RSKR: variants seen among roughly 807,000 people sequenced by gnomAD.
RSKR encodes ribosomal protein S6 kinase related, also known as ribosomal protein S6 kinase-related protein.
A neutral mutation model predicts 56.8 loss-of-function variants in RSKR; 44 were observed. That is an observed-to-expected ratio of 0.77 (90% CI 0.61 to 1.00). The LOEUF is 1.00. Ranked by LOEUF, RSKR falls within the 50% of genes least tolerant of loss-of-function variation. The pLI is 0.00. For missense variants in RSKR, 510 were observed against 506.9 expected (o/e 1.01, Z -0.06); for synonymous variants, 181 against 188.0 (o/e 0.96, Z 0.30).
chr17:28,612,688 C>T lies in RSKR; in HGVS notation c.478-1G>A, dbSNP rs191100683. The T allele has an allele frequency of 1.2e-6, 2 of 1,614,060 alleles. No individual in the cohort carries two copies. Among genetic ancestry groups the T allele is most frequent in the East Asian group, 2.2e-5 (1 of 44,880 alleles). On this transcript the variant is annotated splice_acceptor_variant, in intron 4 of 11. Transcript: ENST00000301037. LOFTEE classifies it high-confidence loss of function. The stretch of plus-strand genomic sequence containing the variant: ...GTACAAAGGGATGGTTGATCTGTCG[C>T]TAGGAACAAAGAAAACAGGAAGTTA...
Position 28,612,480 on chromosome 17 carries a change from C to T in RSKR, c.548-114G>A, listed in dbSNP as rs115124045. ...CTCCTGCCCAAACTGATACCACCTG[C>T]TGTTCCCCTCCCTTTGGGACAGAGA... On this transcript the variant is annotated intron_variant, in intron 5 of 11. Coordinates refer to ENST00000301037, the MANE Select transcript of RSKR (RefSeq NM_001174103.2). 1,084 of 1,365,132 alleles carry T rather than the reference C, an allele frequency of 7.9e-4. 9 individuals carry two copies. In the African/African-American group the frequency reaches 0.013, roughly 16 times the overall value. The allele number at this position is 1,365,132 out of a possible 1,614,324, so 84.6% of individuals were successfully genotyped here.
chr17:28,613,875 T>C (rs902681982), intron 1 of RSKR, 187 bp from the exon 2 acceptor site: 2 of 1,036,602 alleles, frequency 1.9e-6, no homozygotes, highest in African/African-American at 1.6e-5. Context: ...TCAAATCCTC[T>C]AGGAAAATAA....
In RSKR at chr17:28,613,245, G is replaced by A. The variant is rs1373529385; in HGVS notation, c.408+17C>T. On this transcript the variant is annotated intron_variant, in intron 3 of 11. Transcript: ENST00000301037. The stretch of plus-strand genomic sequence containing the variant: ...CAAGATTGGAAACAGAGACTAATGT[G>A]GTATCTACGCCCCTACCTTCACTGC... The A allele has an allele frequency of 1.9e-6, 3 of 1,613,772 alleles. No homozygotes were observed. The highest frequency in any genetic ancestry group is 4.5e-5 in the East Asian group (2 of 44,900).
intron 6 of RSKR, 44 bp downstream of exon 6, chr17:28,612,218 C>T: frequency 1.2e-6 from 2 of 1,606,538 alleles, no homozygotes; most frequent in Non-Finnish European, 1.7e-6. Context: ...TTCTTCCGAA[C>T]TTAAATCTTC....
At position 28,614,157 on chromosome 17, in the gene RSKR, C is replaced by T; in HGVS notation, c.5G>A (p.Gly2Glu). 6.2e-7 allele frequency: 1 copy of T among 1,613,428 alleles called. No individual in the cohort carries two copies. The highest frequency in any genetic ancestry group is 8.5e-7 in the Non-Finnish European group (1 of 1,179,976). ...CTGCCCCTGCCGACAGCTTACTGCT[C>T]CCATTCCCAGCCTCTGCCTCCTCTC... M[G>E]AVSCRQGQHT... Residue 2 changes from glycine (G) to glutamate (E), a missense_variant, in exon 1 of 12, where the codon GGA (glycine) becomes GAA (glutamate). Physicochemically the swap from Gly to Glu is moderately conservative, Grantham distance 98. Transcript: ENST00000301037.
At position 28,614,116 on chromosome 17, in the gene RSKR, C is replaced by G; in HGVS notation, c.46G>C (p.Glu16Gln). The change falls in exon 1 of 12, where the codon GAA becomes CAA. Residue 16 changes from glutamate to glutamine, a missense_variant. Physicochemically the swap from Glu to Gln is conservative, Grantham distance 29. Coordinates refer to ENST00000301037, the MANE Select transcript of RSKR (RefSeq NM_001174103.2). ...CRQGQHTQQG[E>Q]HTRVAVPHKQ... ...TGAGGGACAGCCACCCGGGTGTGTT[C>G]CCCCTGCTGGGTGTGCTGCCCCTGC... The G allele has an allele frequency of 6.2e-7, 1 of 1,613,672 alleles. No homozygotes were observed. The highest frequency in any genetic ancestry group is 8.5e-7 in the Non-Finnish European group (1 of 1,179,948).
rs1318154182 is a variant in RSKR at position 28,610,654 on chromosome 17, A to G, written c.1057T>C (p.Phe353Leu). The G allele has an allele frequency of 6.5e-7, 1 of 1,536,124 alleles. No homozygotes were observed. Among genetic ancestry groups the G allele is most frequent in the Admixed American group, 2.0e-5 (1 of 50,984 alleles). The change falls in exon 12 of 12, where the codon TTC becomes CTC. Residue 353 changes from phenylalanine (F) to leucine (L), a missense_variant. Coordinates refer to ENST00000301037, the MANE Select transcript of RSKR (RefSeq NM_001174103.2). Reference protein sequence around the residue: ...PLHRLRYLHHFQVHPFFRGVA... With the variant: ...PLHRLRYLHHLQVHPFFRGVA... Reference sequence around the variant, plus strand: ...CCCCGAAAGAAAGGGTGGACCTGGAAGTGATGCAGATAACGTAGACGATGG... The same window carrying G: ...CCCCGAAAGAAAGGGTGGACCTGGAGGTGATGCAGATAACGTAGACGATGG...
chr17:28,613,213 C>G (rs929403484), intron 3 of RSKR, 49 bp downstream of exon 3: 11 of 1,613,024 alleles, frequency 6.8e-6, no homozygotes, highest in African/African-American at 1.3e-5. Flanking sequence ...CCCAACCTCT[C>G]TGGAATCAAG....
At chr17:28,611,320 T>C (rs1014634976) in intron 10 of RSKR, 67 bp from the exon 11 acceptor site, 13 of 1,529,376 alleles carry the variant, frequency 8.5e-6, no homozygotes, top group Admixed American at 2.0e-5. Context: ...TACGGCAAGA[T>C]TTCCTAAGGT....
intron 4 of RSKR, 144 bp from the exon 5 acceptor site, chr17:28,612,831 A>T: frequency 1.2e-6 from 1 of 813,466 alleles, no homozygotes; most frequent in Non-Finnish European, 2.0e-6. Flanking sequence ...TTTGGAACTG[A>T]CTATCTGGTA....
chr17:28,611,684 C>A, intron 8 of RSKR, 28 bp from the exon 9 acceptor site: 1 of 1,610,846 alleles, frequency 6.2e-7, no homozygotes, highest in African/African-American at 1.3e-5. Flanking sequence ...GCAACTGCAC[C>A]ACTGTTCCAC....
rs1471868918 is a variant in RSKR at position 28,611,757 on chromosome 17, A to G, written c.721+11T>C. The stretch of plus-strand genomic sequence containing the variant: ...CTCTCATCCTGGGGCTAAGGAAGGA[A>G]AAAGACTTACCTCGTTCATCTAGAA... On this transcript the variant is annotated intron_variant, in intron 8 of 11. Coordinates refer to ENST00000301037, the MANE Select transcript of RSKR (RefSeq NM_001174103.2). 1 of 1,613,634 alleles carries G rather than the reference A, an allele frequency of 6.2e-7. No homozygotes were observed. The highest frequency in any genetic ancestry group is 2.2e-5 in the East Asian group (1 of 44,904).
rs780613495 is a variant in RSKR, at chr17:28,612,240, C to T, written c.652+22G>A. On this transcript the variant is annotated intron_variant, in intron 6 of 11. Transcript: ENST00000301037. ...GAACTTAAATCTTCCCTCCCCATTTCCTTTACCACTGTTTCACTTACACAG... is the reference window on the plus strand; with the variant it reads ...GAACTTAAATCTTCCCTCCCCATTTTCTTTACCACTGTTTCACTTACACAG... 4.3e-6 allele frequency: 7 copies of T among 1,612,294 alleles called. No individual in the cohort carries two copies. In the Admixed American group the frequency reaches 1.2e-4, roughly 27 times the overall value.
At position 28,613,433 on chromosome 17, in the gene RSKR, G is replaced by A. The variant is rs747477399; in HGVS notation, c.324+7C>T. ...TGAGACCCCACTCAGGGATTCCACTGACTTACCTTCAGCTGCTGCTGCCCC... is the reference window on the plus strand; with the variant it reads ...TGAGACCCCACTCAGGGATTCCACTAACTTACCTTCAGCTGCTGCTGCCCC... On this transcript the variant is annotated splice_region_variant and intron_variant, in intron 2 of 11. Coordinates refer to ENST00000301037, the MANE Select transcript of RSKR (RefSeq NM_001174103.2). The A allele has an allele frequency of 6.2e-7, 1 of 1,614,178 alleles. No homozygotes were observed. Among genetic ancestry groups the A allele is most frequent in the Non-Finnish European group, 8.5e-7 (1 of 1,180,026 alleles).
chr17:28,612,006 T>A, intron 7 of RSKR, 38 bp downstream of exon 7: 1 of 1,614,152 alleles, frequency 6.2e-7, no homozygotes, highest in Non-Finnish European at 8.5e-7. Flanking sequence ...TTATTGAGAC[T>A]CTTTCTCAGA....
At position 28,610,493 on chromosome 17, in the gene RSKR, G is replaced by A; in HGVS notation, c.1218C>T (p.Tyr406=). Reference sequence around the variant, plus strand: ...GTAGAGAGGCTCAAGCAGGGATAGGGTAGAGCAAGAAGGACTCCAGATCAC... The same window carrying A: ...GTAGAGAGGCTCAAGCAGGGATAGGATAGAGCAAGAAGGACTCCAGATCAC... ...FDCDLESFLL[Y]PIPA is the part of the protein sequence containing the mutation. The change falls in exon 12 of 12, where the codon TAC becomes TAT. Residue 406 remains tyrosine (Y), a synonymous_variant. Coordinates refer to ENST00000301037, the MANE Select transcript of RSKR (RefSeq NM_001174103.2). The A allele has an allele frequency of 6.5e-6, 10 of 1,536,066 alleles. No homozygotes were observed. Among genetic ancestry groups the A allele is most frequent in the African/African-American group, 1.4e-5 (1 of 73,146 alleles).
chr17:28,613,489 AAG>A lies in RSKR; in HGVS notation c.273_274del (p.Phe92SerfsTer7). 6.2e-7 allele frequency: 1 copy of A among 1,614,170 alleles called. No individual in the cohort carries two copies. The highest frequency in any genetic ancestry group is 8.5e-7 in the Non-Finnish European group (1 of 1,180,026). The stretch of plus-strand genomic sequence containing the variant: ...GGGCCTAATGGGAAACTCTGGTAGA[AAG>A]AGGTTGATGAACTGAGGCACTGGCC... On this transcript the variant is annotated frameshift_variant, in exon 2 of 12. Transcript: ENST00000301037. LOFTEE classifies it high-confidence loss of function.
At position 28,608,089 on chromosome 17, in the gene RSKR, G is replaced by T. The variant is rs968025220; in HGVS notation, c.*2389C>A. The T allele has an allele frequency of 6.6e-6, 1 of 152,096 alleles. No individual in the cohort carries two copies. Among genetic ancestry groups the T allele is most frequent in the African/African-American group, 2.4e-5 (1 of 41,406 alleles). The allele number at this position is 152,096 out of a possible 1,614,324, so 9.4% of individuals were successfully genotyped here. A position where few individuals can be genotyped will look rare whatever the true frequency, so the allele number is the denominator to read the frequency against. On this transcript the variant is annotated 3_prime_UTR_variant, in exon 12 of 12. Transcript: ENST00000301037. ...AATGAGAATAAGGAAAATAAAAGTA[G>T]AAAAGGAAGACAGAACCAAGAACAT...
chr17:28,612,621 T>C lies in RSKR; in HGVS notation c.544A>G (p.Ile182Val). Residue 182 changes from isoleucine (I) to valine (V), a missense_variant, in exon 5 of 12, where the codon ATT (isoleucine) becomes GTT (valine). Physicochemically the swap from Ile to Val is conservative, Grantham distance 29. Coordinates refer to ENST00000301037, the MANE Select transcript of RSKR (RefSeq NM_001174103.2). ...DSWQGKRHLF[I>V]MCSYCSTDLY... ...AGGAGAGAGTCCAGTCACTCACTAA[T>C]GAAAAGGTGCCGTTTTCCCTGCCAG... The C allele has an allele frequency of 2.5e-6, 4 of 1,614,018 alleles. No individual in the cohort carries two copies. The highest frequency in any genetic ancestry group is 3.4e-6 in the Non-Finnish European group (4 of 1,179,974).
Sources: gnomAD v4.1 joint callset for allele counts on GRCh38, gnomAD v4.1.1 for gene constraint, MANE v1.5 for transcripts, NCBI Gene and HGNC (gene_info 2026-07-23, HGNC 2026-07-21) for gene names.